Variants in L3MBTL4 observed in about 807,000 individuals in gnomAD.
L3MBTL4 encodes lethal(3)malignant brain tumor-like protein 4.
In L3MBTL4, 70 loss-of-function variants were observed where a neutral mutation model predicts 84.5. The observed-to-expected ratio is 0.83, with a 90% CI of 0.68 to 1.01. The LOEUF is 1.01. Among genes scored for constraint, L3MBTL4 ranks in the 50% least tolerant of loss-of-function variants. The probability of loss-of-function intolerance (pLI) is 0.00; values close to 1 mark genes in which losing one functional copy is unlikely to be tolerated. For synonymous variants in L3MBTL4, 274 were observed against 259.8 expected (o/e 1.05, Z -0.52); for missense variants, 715 against 754.8 (o/e 0.95, Z 0.62).
intron 1 of L3MBTL4, among the ~76,000 whole-genome samples, chr18:6,371,931 A>G (rs926530780): frequency 6.6e-6 from 1 of 152,194 alleles, no homozygotes; most frequent in Non-Finnish European, 1.5e-5. Flanking sequence ...CCTTGACGCA[A>G]TGAACACAGG....
At chr18:5,962,537 C>T (rs563412515) in intron 17 of L3MBTL4, among the ~76,000 whole-genome samples, 1 of 152,254 alleles carries the variant, frequency 6.6e-6, no homozygotes, top group East Asian at 1.9e-4. Context: ...TGGCACTCCA[C>T]CCTGGTGGGA....
chr18:6,041,275 C>T (rs1443760201), intron 16 of L3MBTL4, among the ~76,000 whole-genome samples: 1 of 152,210 alleles, frequency 6.6e-6, no homozygotes, highest in African/African-American at 2.4e-5. Context: ...TACCTTACTG[C>T]CCAGGTGAGC....
At chr18:6,159,209 T>C (rs549123481) in intron 13 of L3MBTL4, among the ~76,000 whole-genome samples, 30 of 152,230 alleles carry the variant, frequency 2.0e-4, no homozygotes, top group Non-Finnish European at 3.4e-4. Flanking sequence ...AGCACTTCCA[T>C]AGGCCTCGCC....
At chr18:6,152,604 T>C (rs1375784734) in intron 13 of L3MBTL4, among the ~76,000 whole-genome samples, 1 of 152,166 alleles carries the variant, frequency 6.6e-6, no homozygotes, top group Non-Finnish European at 1.5e-5. Flanking sequence ...AGATTTTTGG[T>C]TTTTTGCTAT....
chr18:6,146,089 G>C (rs563772402), intron 13 of L3MBTL4, among the ~76,000 whole-genome samples: 3 of 152,258 alleles, frequency 2.0e-5, no homozygotes, highest in Non-Finnish European at 4.4e-5. Context: ...CCTGGGTGAG[G>C]GGAAGGGTGG....
intron 1 of L3MBTL4, among the ~76,000 whole-genome samples, chr18:6,387,750 G>A (rs989058028): frequency 6.6e-6 from 1 of 152,194 alleles, no homozygotes; most frequent in Non-Finnish European, 1.5e-5. Flanking sequence ...CAGTGGGGAA[G>A]GTGCAAGACA....
At chr18:6,370,239 T>C (rs1343153624) in intron 1 of L3MBTL4, among the ~76,000 whole-genome samples, 1 of 152,106 alleles carries the variant, frequency 6.6e-6, no homozygotes, top group Non-Finnish European at 1.5e-5. Flanking sequence ...CTTCCTCTCT[T>C]GCTTGTGCAC....
intron 16 of L3MBTL4, among the ~76,000 whole-genome samples, chr18:5,989,832 C>T (rs892758601): frequency 1.3e-5 from 2 of 152,186 alleles, no homozygotes; most frequent in Non-Finnish European, 2.9e-5. Flanking sequence ...CTGGTAGGTC[C>T]TGAGCAACTG....
Position 6,263,979 on chromosome 18 carries a change from C to A in L3MBTL4, c.187G>T (p.Ala63Ser). Residue 63 changes from alanine to serine, a missense_variant, in exon 5 of 19, where the codon GCT becomes TCT. Physicochemically the swap from Ala to Ser is moderately conservative, Grantham distance 99 (BLOSUM62 1). Transcript: ENST00000317931. ...SWEWYLKEQK[A>S]VAAPVELFSK... ...AACAGCTCAACAGGTGCTGCGACAG[C>A]CTTCTGTTCTTTCAAGTACCACTCC... is the stretch of plus-strand genomic sequence containing the variant. 6.2e-7 allele frequency: 1 copy of A among 1,614,082 alleles called. No individual in the cohort carries two copies. Among genetic ancestry groups the A allele is most frequent in the Non-Finnish European group, 8.5e-7 (1 of 1,179,926 alleles).
chr18:6,132,155 C>T (rs907615581), intron 14 of L3MBTL4, among the ~76,000 whole-genome samples: 2 of 152,118 alleles, frequency 1.3e-5, no homozygotes, highest in Admixed American at 6.6e-5. Context: ...TGTATTAAGA[C>T]AAAATAGTGT....
chr18:6,204,988 A>C (rs2045809877), intron 12 of L3MBTL4, among the ~76,000 whole-genome samples: 1 of 152,230 alleles, frequency 6.6e-6, no homozygotes, highest in African/African-American at 2.4e-5. Flanking sequence ...TATGTAAAAC[A>C]ATTGCATAAG....
At chr18:6,393,495 C>A (rs115366222) in intron 1 of L3MBTL4, among the ~76,000 whole-genome samples, 2 of 152,170 alleles carry the variant, frequency 1.3e-5, no homozygotes. Context: ...GAGTACCAAC[C>A]GCATGCAGAC....
chr18:6,031,378 T>C (rs890612831), intron 16 of L3MBTL4: 6 of 985,290 alleles, frequency 6.1e-6, no homozygotes, highest in African/African-American at 1.7e-5. Flanking sequence ...AGCAAGAGAA[T>C]GTATATGAGG....
intron 16 of L3MBTL4, among the ~76,000 whole-genome samples, chr18:5,985,604 G>A (rs62076847): frequency 0.019 from 2,959 of 152,272 alleles, 43 homozygotes; most frequent in Non-Finnish European, 0.032. Context: ...TGGACCCTAC[G>A]TTATATTCCC....
intron 4 of L3MBTL4, among the ~76,000 whole-genome samples, chr18:6,284,444 A>C (rs2049466162): frequency 6.6e-6 from 1 of 152,182 alleles, no homozygotes; most frequent in Admixed American, 6.5e-5. Context: ...GCCAAAGACG[A>C]GGCCAAGCAA....
chr18:6,317,766 C>G (rs1411704389), intron 1 of L3MBTL4, among the ~76,000 whole-genome samples: 1 of 152,092 alleles, frequency 6.6e-6, no homozygotes, highest in Non-Finnish European at 1.5e-5. Context: ...CTGGGAGACT[C>G]ACTGCAAAAA....
intron 5 of L3MBTL4, among the ~76,000 whole-genome samples, chr18:6,258,428 T>A (rs1269646711): frequency 6.6e-6 from 1 of 151,734 alleles, no homozygotes; most frequent in Non-Finnish European, 1.5e-5. Context: ...TGGGCATGGA[T>A]GGGGAGAGGA....
At chr18:6,316,806 C>T (rs76038480) in intron 1 of L3MBTL4, among the ~76,000 whole-genome samples, 3,553 of 152,176 alleles carry the variant, frequency 0.023, 50 homozygotes, top group Non-Finnish European at 0.036. Context: ...TCCCACCCTT[C>T]CCCCTGATGA....
At chr18:6,341,703 G>C (rs2052616709) in intron 1 of L3MBTL4, among the ~76,000 whole-genome samples, 1 of 151,202 alleles carries the variant, frequency 6.6e-6, no homozygotes, top group Non-Finnish European at 1.5e-5. Context: ...AAGAGAAGAG[G>C]GACAAAGAGA....
Sources: gnomAD v4.1 joint callset for allele counts (sites outside exome capture counted in the v4.1 genomes callset) on GRCh38, gnomAD v4.1.1 for gene constraint, MANE v1.5 for transcripts, NCBI Gene and HGNC (gene_info 2026-07-23, HGNC 2026-07-21) for gene names.